The following PTPRD variants were observed in gnomAD, a reference collection of about 807,000 sequenced individuals.
PTPRD encodes the protein protein tyrosine phosphatase receptor type D, also known as receptor-type tyrosine-protein phosphatase delta.
In PTPRD, 34 loss-of-function variants were observed where a neutral mutation model predicts 214.5. That is an observed-to-expected ratio of 0.16 (90% CI 0.12 to 0.21). The LOEUF is 0.21. PTPRD is among the 10% of genes least tolerant of loss of function. The probability of loss-of-function intolerance (pLI) is 1.00; values close to 1 mark genes in which losing one functional copy is unlikely to be tolerated. For synonymous variants in PTPRD, 1,128 were observed against 845.7 expected (o/e 1.33, Z -5.79); for missense variants, 2,545 against 2,398.7 (o/e 1.06, Z -1.27).
intron 14 of PTPRD, among the ~76,000 whole-genome samples, chr9:8,629,559 G>A (rs761924886): frequency 6.6e-6 from 1 of 151,726 alleles, no homozygotes; most frequent in Non-Finnish European, 1.5e-5. Context: ...TTAATTCACT[G>A]TCCTTAGTAG....
At chr9:10,133,280 G>A (rs2098915482) in intron 3 of PTPRD, among the ~76,000 whole-genome samples, 1 of 152,080 alleles carries the variant, frequency 6.6e-6, no homozygotes, top group Admixed American at 6.6e-5. Flanking sequence ...CTAAGCAAAT[G>A]TCAGAAAGAA....
chr9:10,589,889 C>G (rs868375475), intron 2 of PTPRD, among the ~76,000 whole-genome samples: 11 of 151,918 alleles, frequency 7.2e-5, no homozygotes, highest in African/African-American at 2.2e-4. Context: ...TTACAGAAGG[C>G]TAAGAAATGC....
chr9:9,418,905 T>A (rs1409337444), intron 8 of PTPRD, among the ~76,000 whole-genome samples: 1 of 151,884 alleles, frequency 6.6e-6, no homozygotes, highest in Non-Finnish European at 1.5e-5. Context: ...GTTATTTGAA[T>A]TGGGCTTTTA....
intron 14 of PTPRD, among the ~76,000 whole-genome samples, chr9:8,580,852 T>C (rs1248963615): frequency 6.6e-6 from 1 of 152,152 alleles, no homozygotes; most frequent in Non-Finnish European, 1.5e-5. Context: ...AGAAATACTG[T>C]TTTGCAGTGA....
intron 4 of PTPRD, among the ~76,000 whole-genome samples, chr9:9,980,652 T>C (rs943160141): frequency 8.3e-6 from 1 of 120,474 alleles, no homozygotes; most frequent in African/African-American, 3.0e-5. Flanking sequence ...AAAAACCCTT[T>C]ATGGATCAAA....
At chr9:9,154,965 T>C (rs1291104121) in intron 10 of PTPRD, among the ~76,000 whole-genome samples, 1 of 152,200 alleles carries the variant, frequency 6.6e-6, no homozygotes, top group Non-Finnish European at 1.5e-5. Flanking sequence ...TGTGTGCTTG[T>C]GTCTGGTTGC....
intron 3 of PTPRD, among the ~76,000 whole-genome samples, chr9:10,036,978 G>A (rs920827073): frequency 6.6e-6 from 1 of 151,974 alleles, no homozygotes; most frequent in African/African-American, 2.4e-5. Flanking sequence ...CAATCTCCCA[G>A]GCTTAAGTGA....
intron 11 of PTPRD, among the ~76,000 whole-genome samples, chr9:8,965,231 T>A (rs761128426): frequency 1.3e-4 from 20 of 151,762 alleles, no homozygotes; most frequent in Non-Finnish European, 2.4e-4. Flanking sequence ...CACAAAAAAA[T>A]AATTAGCCAG....
intron 12 of PTPRD, among the ~76,000 whole-genome samples, chr9:8,646,952 T>A (rs1195320341): frequency 1.3e-5 from 2 of 152,230 alleles, no homozygotes; most frequent in African/African-American, 2.4e-5. Flanking sequence ...TCTTTGCACC[T>A]CTATTACACG....
intron 14 of PTPRD, among the ~76,000 whole-genome samples, chr9:8,557,846 A>G (rs2084596049): frequency 1.3e-5 from 2 of 151,600 alleles, no homozygotes; most frequent in African/African-American, 2.4e-5. Context: ...GTGTATATAT[A>G]TAAATTTATA....
chr9:8,656,064 C>G (rs1027636133), intron 12 of PTPRD, among the ~76,000 whole-genome samples: 2 of 152,116 alleles, frequency 1.3e-5, no homozygotes, highest in Non-Finnish European at 2.9e-5. Flanking sequence ...AATCAGACTC[C>G]TAGCCTTTTA....
At chr9:9,325,699 G>A (rs1333828288) in intron 9 of PTPRD, among the ~76,000 whole-genome samples, 1 of 152,102 alleles carries the variant, frequency 6.6e-6, no homozygotes, top group Non-Finnish European at 1.5e-5. Flanking sequence ...TCTCCTGCCT[G>A]ATTGCCCTGG....
At chr9:9,981,659 C>T (rs1473012080) in intron 4 of PTPRD, among the ~76,000 whole-genome samples, 1 of 152,048 alleles carries the variant, frequency 6.6e-6, no homozygotes, top group Non-Finnish European at 1.5e-5. Flanking sequence ...TGCGTCTGGC[C>T]AACGATTCTA....
intron 2 of PTPRD, among the ~76,000 whole-genome samples, chr9:10,577,081 C>G (rs1287598455): frequency 6.7e-6 from 1 of 148,838 alleles, no homozygotes; most frequent in Admixed American, 6.7e-5. Context: ...AATCCTTTTC[C>G]TATTTTTAAA....
intron 5 of PTPRD, among the ~76,000 whole-genome samples, chr9:9,784,929 T>G (rs2098908377): frequency 1.3e-5 from 2 of 150,948 alleles, no homozygotes; most frequent in Admixed American, 6.6e-5. Flanking sequence ...ATCAACAAAT[T>G]GTATATGGTT....
At chr9:9,431,712 T>C (rs2083206537) in intron 8 of PTPRD, among the ~76,000 whole-genome samples, 1 of 152,024 alleles carries the variant, frequency 6.6e-6, no homozygotes, top group East Asian at 1.9e-4. Flanking sequence ...CACCATGGAA[T>C]ACTATGCAGC....
intron 10 of PTPRD, among the ~76,000 whole-genome samples, chr9:9,098,979 T>C (rs930946972): frequency 5.9e-5 from 9 of 152,116 alleles, no homozygotes; most frequent in African/African-American, 2.2e-4. Context: ...TAGGTGACAG[T>C]GAAAAAGAAA....
chr9:10,597,348 T>C (rs898007530), intron 2 of PTPRD, among the ~76,000 whole-genome samples: 1 of 151,788 alleles, frequency 6.6e-6, no homozygotes, highest in East Asian at 1.9e-4. Context: ...AAAGGAACTT[T>C]ATAACAAGCT....
intron 39 of PTPRD, among the ~76,000 whole-genome samples, chr9:8,355,498 G>A (rs183125964): frequency 1.0e-3 from 155 of 152,280 alleles, no homozygotes; most frequent in African/African-American, 3.4e-3. Context: ...AGTGTATTTA[G>A]AATAACCTAC....
Sources: gnomAD v4.1 joint callset for allele counts (sites outside exome capture counted in the v4.1 genomes callset) on GRCh38, gnomAD v4.1.1 for gene constraint, MANE v1.5 for transcripts, NCBI Gene and HGNC (gene_info 2026-07-23, HGNC 2026-07-21) for gene names.